CDH23: variants seen among roughly 807,000 people sequenced by gnomAD.
CDH23 encodes cadherin-23.
CDH23 carries 189 observed loss-of-function variants against 317.1 expected under a neutral mutation model. The observed-to-expected ratio is 0.60, with a 90% CI of 0.53 to 0.67. The LOEUF is 0.67. Among genes scored for constraint, CDH23 ranks in the 30% least tolerant of loss-of-function variants. The probability of loss-of-function intolerance (pLI) is 0.00; values close to 1 mark genes in which losing one functional copy is unlikely to be tolerated. For synonymous variants in CDH23, 1,839 were observed against 1,876.8 expected, an observed-to-expected ratio of 0.98 and a Z score of 0.52; for missense variants, 4,401 against 4,592.4, an observed-to-expected ratio of 0.96 and a Z score of 1.20.
rs117640436 is a variant in CDH23 at position 71,562,671 on chromosome 10, G to A, written c.430-4071G>A. ...CAAGTGGGGTGCCCATAGAAAGGACGGCACAGGCAGGTCCCAGCACCGCAG... is the reference window on the plus strand; with the variant it reads ...CAAGTGGGGTGCCCATAGAAAGGACAGCACAGGCAGGTCCCAGCACCGCAG... On this transcript the variant is annotated intron_variant, in intron 6 of 69. Coordinates refer to ENST00000224721, the MANE Select transcript of CDH23 (RefSeq NM_022124.6). Among the ~76,000 whole-genome samples, 1,409 of 152,342 alleles carry A rather than the reference G, an allele frequency of 9.2e-3. 22 individuals are homozygous for A. Among genetic ancestry groups the A allele is most frequent in the Admixed American group, 0.047 (723 of 15,304 alleles).
chr10:71,793,640 G>C lies in CDH23; in HGVS notation c.6712G>C (p.Gly2238Arg), dbSNP rs1841325853. The C allele has an allele frequency of 1.3e-6, 2 of 1,573,382 alleles. No individual in the cohort carries two copies. The highest frequency in any genetic ancestry group is 1.7e-6 in the Non-Finnish European group (2 of 1,158,208). The change falls in exon 48 of 70, where the codon GGA becomes CGA. Residue 2238 changes from glycine to arginine, a missense_variant and splice_region_variant. Around this residue, in one of 3 missense-constraint regions of CDH23, gnomAD observed 3,068 missense variants for 3,203.3 expected, o/e 0.96. Transcript: ENST00000224721. ...EDAFAVNINT[G>R]SVMVKSPMNR... is the part of the protein sequence containing the mutation. ...CGCCTTTGCTGTGAATATCAACACA[G>C]GTACAAGGGCCTGCACCCCTCCCAC...
intron 1 of CDH23, among the ~76,000 whole-genome samples, chr10:71,435,920 T>C (rs935536570): frequency 1.3e-5 from 2 of 152,036 alleles, no homozygotes; most frequent in African/African-American, 4.8e-5. Context: ...GGCTTAGGAG[T>C]CTGTCTCTTC....
chr10:71,598,666 G>A (rs769326938), intron 9 of CDH23, among the ~76,000 whole-genome samples: 5 of 152,218 alleles, frequency 3.3e-5, no homozygotes, highest in African/African-American at 4.8e-5. Flanking sequence ...CCCAAAAGTC[G>A]CTCCTGTGAC....
intron 52 of CDH23, among the ~76,000 whole-genome samples, chr10:71,800,116 G>A (rs1480776048): frequency 6.6e-6 from 1 of 152,230 alleles, no homozygotes; most frequent in Non-Finnish European, 1.5e-5. Flanking sequence ...AAATTCAGGA[G>A]AAAAGATGGG....
intron 38 of CDH23, chr10:71,752,846 C>A: frequency 8.9e-7 from 1 of 1,122,308 alleles, no homozygotes; most frequent in South Asian, 1.6e-5. Flanking sequence ...CAGGCTTCAG[C>A]AGCAGATGGC....
In CDH23 at chr10:71,708,432, G is replaced by T. The variant is rs571312568; in HGVS notation, c.3107-666G>T. ...ACACTGCTCGCCAGCTGGCAGGGGAGGGGTCTCCACGCTGTTCTGGGAGTT... is the reference window on the plus strand; with the variant it reads ...ACACTGCTCGCCAGCTGGCAGGGGATGGGTCTCCACGCTGTTCTGGGAGTT... On this transcript the variant is annotated intron_variant, in intron 26 of 69. Coordinates refer to ENST00000224721, the MANE Select transcript of CDH23 (RefSeq NM_022124.6). Among the ~76,000 whole-genome samples the T allele has an allele frequency of 3.3e-5, 5 of 152,328 alleles. No homozygotes were observed. In the South Asian group the frequency reaches 1.0e-3, roughly 32 times the overall value.
At chr10:71,591,207 A>G (rs1043954842) in intron 9 of CDH23, among the ~76,000 whole-genome samples, 7 of 152,200 alleles carry the variant, frequency 4.6e-5, no homozygotes, top group African/African-American at 1.7e-4. Flanking sequence ...AGGCGAGGAT[A>G]ACAGCTTCAC....
chr10:71,418,154 C>A (rs1030433503), intron 1 of CDH23, among the ~76,000 whole-genome samples: 4 of 152,120 alleles, frequency 2.6e-5, no homozygotes, highest in Admixed American at 6.5e-5. Flanking sequence ...AATCTAGTAA[C>A]TGAGTCACCT....
chr10:71,735,902 G>A (rs954132028), intron 34 of CDH23, among the ~76,000 whole-genome samples: 1 of 152,194 alleles, frequency 6.6e-6, no homozygotes, highest in Non-Finnish European at 1.5e-5. Flanking sequence ...AGTGGGTGCC[G>A]AGCCACCTGC....
At chr10:71,701,583 C>T (rs1314716774) in intron 22 of CDH23, among the ~76,000 whole-genome samples, 1 of 152,094 alleles carries the variant, frequency 6.6e-6, no homozygotes, top group Non-Finnish European at 1.5e-5. Flanking sequence ...GAGCTCCACC[C>T]TCTCCTTCCT....
In CDH23 at chr10:71,790,291, C is replaced by G. The variant is rs751719267; in HGVS notation, c.5927C>G (p.Thr1976Ser). 6.2e-7 allele frequency: 1 copy of G among 1,613,750 alleles called. No homozygotes were observed. Among genetic ancestry groups the G allele is most frequent in the South Asian group, 1.1e-5 (1 of 91,076 alleles). The change falls in exon 46 of 70, where the codon ACC becomes AGC. Residue 1976 changes from threonine (T) to serine (S), a missense_variant. By Grantham distance (58) the Thr-to-Ser change is moderately conservative (BLOSUM62 1). Around this residue, in one of 3 missense-constraint regions of CDH23, gnomAD observed 3,068 missense variants for 3,203.3 expected, o/e 0.96. Coordinates refer to ENST00000224721, the MANE Select transcript of CDH23 (RefSeq NM_022124.6). ...GACCCCTCTCCTTCTGGCCCAGGCA[C>G]CCCTCTCACGGTGCTCAATGGGCCC... ...AEVMENSPAG[T>S]PLTVLNGPIL...
At chr10:71,812,633 C>G (rs2133007451) in intron 67 of CDH23, 24 bp downstream of exon 67, 1 of 1,613,292 alleles carries the variant, frequency 6.2e-7, no homozygotes, top group East Asian at 2.2e-5. Context: ...GGTCAGGCAT[C>G]ACAAGGGGCA....
chr10:71,443,436 C>G (rs74772964), intron 2 of CDH23, among the ~76,000 whole-genome samples: 1 of 152,244 alleles, frequency 6.6e-6, no homozygotes, highest in Non-Finnish European at 1.5e-5. Flanking sequence ...AAATGCTTGT[C>G]ATTCAGCAGG....
At chr10:71,597,294 G>A (rs1384906771) in intron 9 of CDH23, among the ~76,000 whole-genome samples, 4 of 152,052 alleles carry the variant, frequency 2.6e-5, no homozygotes, top group African/African-American at 4.8e-5. Flanking sequence ...TGGTTTCATG[G>A]ACCTCACCTG....
intron 6 of CDH23, among the ~76,000 whole-genome samples, chr10:71,564,297 G>T (rs1295793420): frequency 6.6e-6 from 1 of 152,140 alleles, no homozygotes; most frequent in Non-Finnish European, 1.5e-5. Context: ...CTCCTTCCCC[G>T]CATCTACTTC....
At position 71,802,819 on chromosome 10, in the gene CDH23, G is replaced by C. The variant is rs1841593323; in HGVS notation, c.7483-79G>C. 23 of 1,477,774 alleles carry C rather than the reference G, an allele frequency of 1.6e-5. No individual in the cohort carries two copies. In the South Asian group the frequency reaches 2.4e-4, roughly 16 times the overall value. The allele number at this position is 1,477,774 out of a possible 1,614,324, so 91.5% of individuals were successfully genotyped here. ...TGGTGCCTGTCCTTCCTCTATCCAG[G>C]CTTACTCCTGCATGACCAGGTCCGC... On this transcript the variant is annotated intron_variant, in intron 53 of 69. Coordinates refer to ENST00000224721, the MANE Select transcript of CDH23 (RefSeq NM_022124.6).
chr10:71,535,407 A>G (rs1194431095), intron 6 of CDH23, among the ~76,000 whole-genome samples: 6 of 152,142 alleles, frequency 3.9e-5, no homozygotes. Flanking sequence ...AACCATGAGC[A>G]CCACGAGTCA....
At chr10:71,471,144 CT>C (rs1236139816) in intron 3 of CDH23, among the ~76,000 whole-genome samples, 9 of 146,048 alleles carry the variant, frequency 6.2e-5, no homozygotes, top group Middle Eastern at 3.4e-3. Context: ...TTTTGCGGGT[CT>C]TTCAGCCAAG....
rs761094932 is a variant in CDH23, at chr10:71,811,994, C to T, written c.9359C>T (p.Thr3120Ile). 4 of 1,613,414 alleles carry T rather than the reference C, an allele frequency of 2.5e-6. 1 individual carries two copies. The highest frequency in any genetic ancestry group is 3.3e-5 in the Admixed American group (2 of 59,980). ...ATCGACATCATGGACATGCCTAACA[C>T]CAACAAGTACTCCTTTGATGGGTGA... is the stretch of plus-strand genomic sequence containing the variant. ...GFIDIMDMPN[T>I]NKYSFDGANP... Residue 3120 changes from threonine to isoleucine, a missense_variant, in exon 66 of 70, where the codon ACC becomes ATC. This residue lies in a region of CDH23 where 1,144 missense variants were observed against 1,138.2 expected (regional missense o/e 1.01). Coordinates refer to ENST00000224721, the MANE Select transcript of CDH23 (RefSeq NM_022124.6).
Sources: gnomAD v4.1 joint callset for allele counts (sites outside exome capture counted in the v4.1 genomes callset) on GRCh38, gnomAD v4.1.1 for gene constraint, gnomAD v4.1.1 regional missense constraint, MANE v1.5 for transcripts, NCBI Gene and HGNC (gene_info 2026-07-23, HGNC 2026-07-21) for gene names.